Variants in ZNF215 observed in about 807,000 individuals in gnomAD.
ZNF215 encodes BWSCR2-associated zinc finger protein 2.
A neutral mutation model predicts 27.2 loss-of-function variants in ZNF215; 24 were observed. The ratio of observed to expected loss-of-function variants is 0.88; its 90% confidence interval spans 0.64 to 1.24. The LOEUF (loss-of-function observed/expected upper bound fraction) is 1.24, where lower values mean the gene tolerates loss of function less well. Among genes scored for constraint, ZNF215 ranks in the 50% most tolerant of loss-of-function variants. The pLI is 0.00. For missense variants in ZNF215, 675 were observed against 605.7 expected, an observed-to-expected ratio of 1.11 and a Z score of -1.20; for synonymous variants, 210 against 204.0, an observed-to-expected ratio of 1.03 and a Z score of -0.25.
chr11:6,938,660 G>T (rs571077434), intron 3 of ZNF215, among the ~76,000 whole-genome samples: 4 of 152,110 alleles, frequency 2.6e-5, no homozygotes, highest in Admixed American at 6.5e-5. Context: ...AGACCCAAAA[G>T]GTCACATACT....
chr11:6,953,272 A>G (rs930793265), intron 6 of ZNF215, among the ~76,000 whole-genome samples: 1 of 152,104 alleles, frequency 6.6e-6, no homozygotes, highest in Non-Finnish European at 1.5e-5. Context: ...CTGAATCTGA[A>G]TGTTGGCCTG....
At chr11:6,955,286 G>A (rs1283396626) in intron 6 of ZNF215, among the ~76,000 whole-genome samples, 1 of 152,120 alleles carries the variant, frequency 6.6e-6, no homozygotes, top group East Asian at 1.9e-4. Flanking sequence ...ATTATTACTG[G>A]TGTTTTATAG....
intron 5 of ZNF215, among the ~76,000 whole-genome samples, chr11:6,976,775 A>C (rs1265111811): frequency 6.6e-6 from 1 of 152,044 alleles, no homozygotes; most frequent in Non-Finnish European, 1.5e-5. Flanking sequence ...TTGTTTGTGG[A>C]GAGAAATACA....
intron 3 of ZNF215, among the ~76,000 whole-genome samples, chr11:6,938,601 T>TA (rs1451426119): frequency 8.2e-6 from 1 of 122,272 alleles, no homozygotes; most frequent in African/African-American, 3.3e-5. Flanking sequence ...CTGATACATG[T>TA]TAAAAAAAAA....
At chr11:6,948,423 A>G (rs1849905879) in intron 6 of ZNF215, among the ~76,000 whole-genome samples, 1 of 152,196 alleles carries the variant, frequency 6.6e-6, no homozygotes, top group South Asian at 2.1e-4. Flanking sequence ...AAAATAATAG[A>G]ACCAAAGCAC....
At chr11:6,986,241 T>G (rs1564980274), downstream of ZNF215, among the ~76,000 whole-genome samples, 1 of 152,098 alleles carries the variant, frequency 6.6e-6, no homozygotes, top group Non-Finnish European at 1.5e-5. Flanking sequence ...CACAACCATC[T>G]TATCTTTGAC....
intron 3 of ZNF215, among the ~76,000 whole-genome samples, chr11:6,932,876 A>G (rs1849313710): frequency 6.6e-6 from 1 of 152,218 alleles, no homozygotes; most frequent in Admixed American, 6.5e-5. Flanking sequence ...AGACAGTTTG[A>G]TTTGCCAGTT....
intron 6 of ZNF215, among the ~76,000 whole-genome samples, chr11:6,950,405 C>T (rs1360114408): frequency 6.6e-6 from 1 of 152,026 alleles, no homozygotes; most frequent in African/African-American, 2.4e-5. Context: ...TCTTTAATTT[C>T]ATTGAGCAGT....
chr11:6,970,239 A>G (rs1850694942), intron 5 of ZNF215, among the ~76,000 whole-genome samples: 1 of 152,230 alleles, frequency 6.6e-6, no homozygotes, highest in Admixed American at 6.5e-5. Context: ...GCAATCAGTG[A>G]AATAAAAATG....
intron 2 of ZNF215, among the ~76,000 whole-genome samples, chr11:6,930,276 G>T (rs537004357): frequency 7.1e-4 from 108 of 152,080 alleles, no homozygotes; most frequent in Non-Finnish European, 1.1e-3. Context: ...TTTGCTGCTG[G>T]GCTGTTCTTG....
At chr11:6,993,620 A>G (rs1435705550), downstream of ZNF215, among the ~76,000 whole-genome samples, 3 of 152,092 alleles carry the variant, frequency 2.0e-5, no homozygotes, top group Non-Finnish European at 4.4e-5. Context: ...ACTATGCCAT[A>G]TTGTCCAAAC....
rs538603628 is a variant in ZNF215, at chr11:6,973,231, A to C, written c.806-10898A>C. Among the ~76,000 whole-genome samples, 265 of 152,094 alleles carry C rather than the reference A, an allele frequency of 1.7e-3. 2 individuals carry two copies. Among genetic ancestry groups the C allele is most frequent in the African/African-American group, 6.0e-3 (250 of 41,484 alleles). On this transcript the variant is annotated intron_variant, in intron 5 of 5. Transcript: ENST00000529903. ...TCCCTACAAAGGACATGAACTCATCATTTTTTATGGCTGCATAGTATTCCA... is the reference window on the plus strand; with the variant it reads ...TCCCTACAAAGGACATGAACTCATCCTTTTTTATGGCTGCATAGTATTCCA...
rs1445565873 is a variant in ZNF215, at chr11:6,926,675, A to G, written c.-336A>G. On this transcript the variant is annotated 5_prime_UTR_variant, in exon 1 of 7. Transcript: ENST00000278319. ...ACAGCGATTCCGCGGCTCCTCTGAG[A>G]ACTGGCGCTTGTGAGTGACTGAACG... 6.6e-6 allele frequency: 1 copy of G among 152,214 alleles called. No individual in the cohort carries two copies. The highest frequency in any genetic ancestry group is 1.9e-4 in the East Asian group (1 of 5,182). The allele number at this position is 152,214 out of a possible 1,614,324, so 9.4% of individuals were successfully genotyped here.
chr11:6,932,221 C>T lies in ZNF215; in HGVS notation c.-52C>T. 1 of 1,574,588 alleles carries T rather than the reference C, an allele frequency of 6.4e-7. No homozygotes were observed. ...GTGCTTAGCTCAAGCCTGAGAATTA[C>T]TGCAATCTAGTAAGGCGGATTTGAA... On this transcript the variant is annotated 5_prime_UTR_variant, in exon 3 of 7. Coordinates refer to ENST00000278319, the MANE Select transcript of ZNF215 (RefSeq NM_013250.4).
At chr11:6,961,939 G>C (rs1394385498), downstream of ZNF215, among the ~76,000 whole-genome samples, 1 of 152,092 alleles carries the variant, frequency 6.6e-6, no homozygotes, top group Non-Finnish European at 1.5e-5. Context: ...GTGCTTTTCT[G>C]CAGCCTAATG....
chr11:6,946,132 T>C (rs116185267), intron 6 of ZNF215, among the ~76,000 whole-genome samples: 1,543 of 152,270 alleles, frequency 0.01, 31 homozygotes, highest in African/African-American at 0.036. Context: ...GTCTCCACTT[T>C]TGTCCAACTG....
At chr11:6,928,534 C>A (rs1402815631) in intron 2 of ZNF215, among the ~76,000 whole-genome samples, 1 of 151,774 alleles carries the variant, frequency 6.6e-6, no homozygotes, top group Non-Finnish European at 1.5e-5. Context: ...TTTTTGTTTG[C>A]CTGGTATTTT....
At position 6,981,175 on chromosome 11, in the gene ZNF215, G is replaced by A. The variant is rs564525781; in HGVS notation, c.806-2954G>A. 2.2e-3 allele frequency among the ~76,000 whole-genome samples: 334 copies of A among 150,448 alleles called. 2 individuals are homozygous for A. The highest frequency in any genetic ancestry group is 7.6e-3 in the African/African-American group (311 of 40,718). The stretch of plus-strand genomic sequence containing the variant: ...GTATTTCTAGTTCTAGATCCCTGAG[G>A]AATCACCACACTGACTTCCACAATG... On this transcript the variant is annotated intron_variant, in intron 5 of 5. Coordinates refer to the ZNF215 transcript ENST00000529903.
chr11:6,942,994 G>T (rs538885306), intron 4 of ZNF215, 89 bp from the exon 5 acceptor site: 3 of 1,516,394 alleles, frequency 2.0e-6, no homozygotes, highest in South Asian at 1.3e-5. Context: ...GTGTATTCTG[G>T]CTCCTACCCT....
Sources: gnomAD v4.1 joint callset for allele counts (sites outside exome capture counted in the v4.1 genomes callset) on GRCh38, gnomAD v4.1.1 for gene constraint, MANE v1.5 for transcripts, NCBI Gene and HGNC (gene_info 2026-07-23, HGNC 2026-07-21) for gene names.